CNTNAP2: variants seen among roughly 807,000 people sequenced by gnomAD.
The protein encoded by CNTNAP2 is contactin-associated protein-like 2.
In CNTNAP2, 98 loss-of-function variants were observed where a neutral mutation model predicts 155.2. That is an observed-to-expected ratio of 0.63 (90% CI 0.54 to 0.75). The LOEUF is 0.75. Ranked by LOEUF, CNTNAP2 falls within the 30% of genes least tolerant of loss-of-function variation. CNTNAP2 has a pLI of 0.00. For synonymous variants in CNTNAP2, 651 were observed against 631.2 expected, an observed-to-expected ratio of 1.03 and a Z score of -0.47; for missense variants, 1,727 against 1,688.1, an observed-to-expected ratio of 1.02 and a Z score of -0.40.
At chr7:148,336,980 C>G (rs533621718) in intron 21 of CNTNAP2, among the ~76,000 whole-genome samples, 4 of 151,524 alleles carry the variant, frequency 2.6e-5, no homozygotes, top group South Asian at 2.1e-4. Flanking sequence ...ATAACAGTCT[C>G]TCTCCCAGGG....
intron 13 of CNTNAP2, among the ~76,000 whole-genome samples, chr7:147,728,865 GT>G (rs2116462051): frequency 6.6e-6 from 1 of 151,794 alleles, no homozygotes; most frequent in African/African-American, 2.4e-5. Context: ...CTTAAATCTG[GT>G]TTTTATACCA....
rs567058741 is a variant in CNTNAP2 at position 146,589,312 on chromosome 7, C to T, written c.98-184959C>T. Among the ~76,000 whole-genome samples the T allele has an allele frequency of 4.6e-5, 7 of 152,238 alleles. No homozygotes were observed. In the South Asian group the frequency reaches 1.0e-3, roughly 23 times the overall value. On this transcript the variant is annotated intron_variant, in intron 1 of 23. Coordinates refer to ENST00000361727, the MANE Select transcript of CNTNAP2 (RefSeq NM_014141.6). ...GACACATGCACATGTACGTTTATTG[C>T]AGCACTATTCACAATAGCAAAGACT...
At chr7:146,766,683 C>G (rs982686152) in intron 1 of CNTNAP2, among the ~76,000 whole-genome samples, 2 of 152,074 alleles carry the variant, frequency 1.3e-5, no homozygotes, top group African/African-American at 4.8e-5. Context: ...ATGAGATGAC[C>G]CACTCAAAAT....
At position 147,655,388 on chromosome 7, in the gene CNTNAP2, G is replaced by T. The variant is rs566752295; in HGVS notation, c.2098+16082G>T. On this transcript the variant is annotated intron_variant, in intron 13 of 23. Coordinates refer to ENST00000361727, the MANE Select transcript of CNTNAP2 (RefSeq NM_014141.6). Reference sequence around the variant, plus strand: ...TCCGCCCATCTTGGCCTCCCAAAGTGCTGGGATTACAGGCGTGAGCCACCG... The same window carrying T: ...TCCGCCCATCTTGGCCTCCCAAAGTTCTGGGATTACAGGCGTGAGCCACCG... Among the ~76,000 whole-genome samples the T allele has an allele frequency of 4.2e-4, 64 of 152,320 alleles. 1 individual carries two copies. Among genetic ancestry groups the T allele is most frequent in the Middle Eastern group, 3.4e-3 (1 of 294 alleles).
At chr7:148,258,878 T>C (rs1371142163) in intron 20 of CNTNAP2, among the ~76,000 whole-genome samples, 1 of 151,568 alleles carries the variant, frequency 6.6e-6, no homozygotes, top group Non-Finnish European at 1.5e-5. Flanking sequence ...TAAAAATAAT[T>C]TTAAAAATTA....
chr7:146,436,363 G>T (rs1796243719), intron 1 of CNTNAP2, among the ~76,000 whole-genome samples: 1 of 152,100 alleles, frequency 6.6e-6, no homozygotes, highest in Non-Finnish European at 1.5e-5. Context: ...TATATATGTT[G>T]CAGTGGTGAT....
At chr7:148,199,365 A>G (rs1233702431) in intron 18 of CNTNAP2, among the ~76,000 whole-genome samples, 3 of 152,168 alleles carry the variant, frequency 2.0e-5, no homozygotes, top group Non-Finnish European at 4.4e-5. Context: ...GTTTTATTCT[A>G]AGAGGGCTGA....
chr7:147,649,853 T>C (rs1169840193), intron 13 of CNTNAP2, among the ~76,000 whole-genome samples: 1 of 151,160 alleles, frequency 6.6e-6, no homozygotes, highest in Non-Finnish European at 1.5e-5. Context: ...AAAAGTCTTC[T>C]AAAAAGATTG....
chr7:147,172,390 A>T (rs183613167), intron 8 of CNTNAP2, among the ~76,000 whole-genome samples: 23 of 152,294 alleles, frequency 1.5e-4, no homozygotes, highest in African/African-American at 5.5e-4. Flanking sequence ...TTATGGAATA[A>T]TGCATTATGC....
chr7:146,352,839 C>T (rs1794939519), intron 1 of CNTNAP2, among the ~76,000 whole-genome samples: 1 of 142,664 alleles, frequency 7.0e-6, no homozygotes, highest in African/African-American at 2.7e-5. Flanking sequence ...ACTGCAAGCT[C>T]CGCCTCCCGG....
intron 1 of CNTNAP2, among the ~76,000 whole-genome samples, chr7:146,472,414 T>C (rs972097267): frequency 2.0e-5 from 3 of 152,182 alleles, no homozygotes; most frequent in Admixed American, 6.5e-5. Flanking sequence ...GAACTAAACA[T>C]AATATGTAGC....
chr7:148,078,750 G>A (rs1287746864), intron 15 of CNTNAP2, among the ~76,000 whole-genome samples: 1 of 152,022 alleles, frequency 6.6e-6, no homozygotes. Context: ...TGAAGTGCTG[G>A]GATTATAGGC....
chr7:147,280,656 T>C (rs1805014949), intron 8 of CNTNAP2, among the ~76,000 whole-genome samples: 2 of 151,946 alleles, frequency 1.3e-5, no homozygotes, highest in Middle Eastern at 3.2e-3. Context: ...AAGCTATTCA[T>C]TGCTTAATAA....
At chr7:147,706,900 T>C (rs1484760041) in intron 13 of CNTNAP2, among the ~76,000 whole-genome samples, 1 of 152,178 alleles carries the variant, frequency 6.6e-6, no homozygotes, top group Non-Finnish European at 1.5e-5. Context: ...CTTTCTTCTC[T>C]TTCATCTAAT....
At chr7:147,613,160 A>G (rs1340812242) in intron 12 of CNTNAP2, among the ~76,000 whole-genome samples, 2 of 152,200 alleles carry the variant, frequency 1.3e-5, no homozygotes, top group Admixed American at 1.3e-4. Context: ...GGATACAGCC[A>G]CATTTTTAAG....
chr7:147,025,649 C>T (rs1242113161), intron 3 of CNTNAP2, among the ~76,000 whole-genome samples: 1 of 151,792 alleles, frequency 6.6e-6, no homozygotes, highest in Non-Finnish European at 1.5e-5. Context: ...CAAACTGTAT[C>T]ATCAACTATT....
chr7:146,444,888 C>T lies in CNTNAP2; in HGVS notation c.97+327915C>T, dbSNP rs187920466. Among the ~76,000 whole-genome samples, 3 of 151,958 alleles carry T rather than the reference C, an allele frequency of 2.0e-5. No homozygotes were observed. In the East Asian group the frequency reaches 5.8e-4, roughly 30 times the overall value. ...GCCAGGCTGGTCTCGAACTCCTGGC[C>T]TCAAGTAATCCACCCGCCTCGGCCT... is the stretch of plus-strand genomic sequence containing the variant. On this transcript the variant is annotated intron_variant, in intron 1 of 23. Coordinates refer to ENST00000361727, the MANE Select transcript of CNTNAP2 (RefSeq NM_014141.6).
At chr7:147,746,031 G>A (rs1367880501) in intron 13 of CNTNAP2, among the ~76,000 whole-genome samples, 1 of 152,132 alleles carries the variant, frequency 6.6e-6, no homozygotes, top group Admixed American at 6.6e-5. Context: ...CCCATTCTCT[G>A]GGGAAACAGA....
intron 3 of CNTNAP2, among the ~76,000 whole-genome samples, chr7:146,902,408 A>T (rs903766358): frequency 6.6e-6 from 1 of 152,234 alleles, no homozygotes; most frequent in Non-Finnish European, 1.5e-5. Context: ...CTAGTACTTA[A>T]ATAACTGGAA....
Sources: allele counts gnomAD v4.1 joint callset (sites outside exome capture counted in the v4.1 genomes callset), GRCh38; gene constraint gnomAD v4.1.1; transcripts MANE v1.5; gene names NCBI Gene and HGNC (gene_info 2026-07-23, HGNC 2026-07-21).